DLG2: variants seen among roughly 807,000 people sequenced by gnomAD.
DLG2 encodes the protein disks large homolog 2.
DLG2 carries 45 observed loss-of-function variants against 132.5 expected under a neutral mutation model. That is an observed-to-expected ratio of 0.34 (90% CI 0.27 to 0.44). The LOEUF is 0.44. Ranked by LOEUF, DLG2 falls within the 20% of genes least tolerant of loss-of-function variation. DLG2 has a pLI of 1.00. For synonymous variants in DLG2, 424 were observed against 419.6 expected (o/e 1.01, Z -0.13); for missense variants, 1,045 against 1,196.9 (o/e 0.87, Z 1.87).
intron 5 of DLG2, among the ~76,000 whole-genome samples, chr11:85,126,310 A>G (rs1253173167): frequency 6.6e-6 from 1 of 152,174 alleles, no homozygotes; most frequent in Non-Finnish European, 1.5e-5. Flanking sequence ...AGAATCGTAT[A>G]CTTTGGTAAG....
At chr11:83,636,958 A>C (rs1448895545) in intron 18 of DLG2, among the ~76,000 whole-genome samples, 1 of 152,134 alleles carries the variant, frequency 6.6e-6, no homozygotes, top group Admixed American at 6.6e-5. Context: ...CTTTTCTTTG[A>C]AAACTAAACA....
chr11:84,489,399 T>C (rs2099158845), intron 7 of DLG2, among the ~76,000 whole-genome samples: 1 of 152,140 alleles, frequency 6.6e-6, no homozygotes, highest in Non-Finnish European at 1.5e-5. Context: ...TATTTAAAAA[T>C]GTGTTTCTGA....
intron 7 of DLG2, among the ~76,000 whole-genome samples, chr11:84,490,006 A>G (rs538869573): frequency 5.9e-5 from 9 of 152,266 alleles, no homozygotes; most frequent in African/African-American, 2.2e-4. Context: ...ATATTTTCAG[A>G]AGTGTTTGAA....
chr11:83,951,335 G>A (rs1463468697), intron 14 of DLG2, among the ~76,000 whole-genome samples: 1 of 152,018 alleles, frequency 6.6e-6, no homozygotes, highest in Non-Finnish European at 1.5e-5. Context: ...AAACAGATAA[G>A]TCCCTGAGCC....
intron 18 of DLG2, among the ~76,000 whole-genome samples, chr11:83,697,193 G>T (rs1824831492): frequency 6.6e-6 from 1 of 152,294 alleles, no homozygotes; most frequent in Admixed American, 6.5e-5. Flanking sequence ...AAAGTGCCTT[G>T]AACAGTGCTT....
At chr11:83,690,816 T>G (rs938793536) in intron 18 of DLG2, among the ~76,000 whole-genome samples, 4 of 152,146 alleles carry the variant, frequency 2.6e-5, no homozygotes, top group Non-Finnish European at 5.9e-5. Flanking sequence ...AAGAATACTG[T>G]TTTGTATGAA....
chr11:85,401,182 A>G (rs2088058730), intron 3 of DLG2, among the ~76,000 whole-genome samples: 2 of 152,176 alleles, frequency 1.3e-5, no homozygotes, highest in African/African-American at 4.8e-5. Flanking sequence ...GACTGGTTCA[A>G]CATATGCAAA....
intron 6 of DLG2, among the ~76,000 whole-genome samples, chr11:84,659,087 C>T (rs770138470): frequency 2.4e-4 from 37 of 152,134 alleles, no homozygotes; most frequent in Admixed American, 2.2e-3. Flanking sequence ...GTTATCACAG[C>T]CTGAATAAGC....
intron 5 of DLG2, among the ~76,000 whole-genome samples, chr11:85,151,964 AAAAC>A (rs1390298120): frequency 1.3e-5 from 2 of 152,346 alleles, no homozygotes; most frequent in Admixed American, 6.5e-5. Flanking sequence ...CTCATTCCAT[AAAAC>A]AAACAAACAT....
At chr11:84,113,577 G>C (rs2093473415) in intron 9 of DLG2, among the ~76,000 whole-genome samples, 1 of 152,178 alleles carries the variant, frequency 6.6e-6, no homozygotes, top group South Asian at 2.1e-4. Flanking sequence ...CCAATGAGCT[G>C]ACAAGCTTTC....
chr11:85,249,668 G>C (rs1409790494), intron 4 of DLG2, among the ~76,000 whole-genome samples: 1 of 152,012 alleles, frequency 6.6e-6, no homozygotes, highest in Non-Finnish European at 1.5e-5. Flanking sequence ...TGGAGACAAA[G>C]GTCACTTATC....
intron 6 of DLG2, among the ~76,000 whole-genome samples, chr11:84,731,911 C>G (rs575169250): frequency 3.3e-5 from 5 of 151,944 alleles, no homozygotes; most frequent in African/African-American, 1.2e-4. Flanking sequence ...TTCCACGTGC[C>G]CCTTTATAAC....
At chr11:83,947,413 C>T (rs976452952) in intron 14 of DLG2, among the ~76,000 whole-genome samples, 1 of 152,068 alleles carries the variant, frequency 6.6e-6, no homozygotes, top group African/African-American at 2.4e-5. Flanking sequence ...TATAAAGTCA[C>T]AAAATCTATT....
intron 7 of DLG2, among the ~76,000 whole-genome samples, chr11:84,365,239 G>C (rs1326946861): frequency 6.6e-6 from 1 of 152,066 alleles, no homozygotes; most frequent in Non-Finnish European, 1.5e-5. Flanking sequence ...GTTTAGTCTT[G>C]GGAGAGTGTA....
In DLG2 at chr11:84,799,254, C is replaced by T. The variant is rs946940457; in HGVS notation, c.358-264523G>A. ...TTCAAATTCTAAATGCTGGGAAGGG[C>T]TCTTCCTCTCTTGCTGTTCTGGTCC... On this transcript the variant is annotated intron_variant, in intron 6 of 27. Transcript: ENST00000376104. Among the ~76,000 whole-genome samples the T allele has an allele frequency of 5.3e-5, 8 of 152,196 alleles. No individual in the cohort carries two copies. In the East Asian group the frequency reaches 1.5e-3, roughly 29 times the overall value.
chr11:84,492,334 A>C (rs1678106104), intron 7 of DLG2, among the ~76,000 whole-genome samples: 1 of 152,166 alleles, frequency 6.6e-6, no homozygotes, highest in Admixed American at 6.6e-5. Flanking sequence ...TAATCAGTCC[A>C]AGCAAATCAT....
At chr11:85,093,984 A>T (rs2069292433) in intron 6 of DLG2, among the ~76,000 whole-genome samples, 1 of 152,250 alleles carries the variant, frequency 6.6e-6, no homozygotes, top group Non-Finnish European at 1.5e-5. Flanking sequence ...ACCATGATGC[A>T]ACTAATATGA....
intron 6 of DLG2, among the ~76,000 whole-genome samples, chr11:84,580,384 T>C (rs1227980204): frequency 1.3e-5 from 2 of 152,182 alleles, no homozygotes; most frequent in African/African-American, 2.4e-5. Context: ...GTACTTACAG[T>C]CTTAGTCTCA....
intron 4 of DLG2, among the ~76,000 whole-genome samples, chr11:85,175,888 T>TAGGA (rs1456964240): frequency 6.6e-6 from 1 of 152,128 alleles, no homozygotes; most frequent in African/African-American, 2.4e-5. Context: ...ATAAAATACT[T>TAGGA]AGGAATATAG....
Sources: allele counts gnomAD v4.1 joint callset (sites outside exome capture counted in the v4.1 genomes callset), GRCh38; gene constraint gnomAD v4.1.1; transcripts MANE v1.5; gene names NCBI Gene and HGNC (gene_info 2026-07-23, HGNC 2026-07-21).